CLYBL: variants seen among roughly 807,000 people sequenced by gnomAD.
CLYBL encodes the protein citramalyl-CoA lyase.
CLYBL carries 31 observed loss-of-function variants against 38.9 expected under a neutral mutation model. The observed-to-expected ratio is 0.80, with a 90% CI of 0.60 to 1.08. The LOEUF (loss-of-function observed/expected upper bound fraction) is 1.08, where lower values mean the gene tolerates loss of function less well. CLYBL is among the 50% of genes least tolerant of loss of function. CLYBL has a pLI of 0.00. For synonymous variants in CLYBL, 171 were observed against 158.6 expected (o/e 1.08, Z -0.59); for missense variants, 434 against 411.6 (o/e 1.05, Z -0.47).
intron 1 of CLYBL, among the ~76,000 whole-genome samples, chr13:99,663,638 G>A (rs756528157): frequency 1.6e-4 from 24 of 152,198 alleles, no homozygotes; most frequent in Admixed American, 1.4e-3. Flanking sequence ...TGATGAAAGT[G>A]TCCAGTATGT....
intron 1 of CLYBL, among the ~76,000 whole-genome samples, chr13:99,745,478 C>T (rs1209531016): frequency 2.6e-5 from 4 of 152,074 alleles, no homozygotes; most frequent in Non-Finnish European, 4.4e-5. Context: ...AAATATTAAG[C>T]TCCCTTAAAA....
At chr13:99,837,401 G>A (rs577442227) in intron 2 of CLYBL, among the ~76,000 whole-genome samples, 54 of 152,268 alleles carry the variant, frequency 3.5e-4, no homozygotes, top group Non-Finnish European at 6.6e-4. Flanking sequence ...AGTGAGCACC[G>A]TAATTGCATC....
chr13:99,607,122 C>T (rs10454027), intron 1 of CLYBL, among the ~76,000 whole-genome samples: 38,516 of 152,104 alleles, frequency 0.25, 6,103 homozygotes, highest in East Asian at 0.61. Context: ...CAGCGGTTCC[C>T]AAACGGTTTG....
intron 2 of CLYBL, among the ~76,000 whole-genome samples, chr13:99,784,920 T>C (rs1016322173): frequency 4.6e-5 from 7 of 152,112 alleles, no homozygotes; most frequent in African/African-American, 1.2e-4. Context: ...GACAAGAGTC[T>C]TACTCTGTCG....
chr13:99,725,790 C>T (rs1197969993), intron 1 of CLYBL, among the ~76,000 whole-genome samples: 1 of 152,114 alleles, frequency 6.6e-6, no homozygotes. Flanking sequence ...CCCGGGGAGG[C>T]ATTGTGGTGT....
intron 5 of CLYBL, among the ~76,000 whole-genome samples, 181 bp from the exon 6 acceptor site, chr13:99,866,059 T>G (rs938650550): frequency 6.6e-6 from 1 of 152,216 alleles, no homozygotes; most frequent in African/African-American, 2.4e-5. Context: ...ACAGACACAT[T>G]CGAGGTTTAA....
At chr13:99,815,725 A>C (rs892213207) in intron 2 of CLYBL, among the ~76,000 whole-genome samples, 4 of 152,078 alleles carry the variant, frequency 2.6e-5, no homozygotes, top group Non-Finnish European at 2.9e-5. Context: ...AAAAATACAA[A>C]AATTAGCCAT....
chr13:99,874,919 G>A (rs1205324534), intron 7 of CLYBL, among the ~76,000 whole-genome samples: 1 of 152,162 alleles, frequency 6.6e-6, no homozygotes, highest in Non-Finnish European at 1.5e-5. Flanking sequence ...TATATTACGT[G>A]TGTCAAAATT....
intron 1 of CLYBL, among the ~76,000 whole-genome samples, chr13:99,754,426 A>C (rs2049017432): frequency 6.7e-6 from 1 of 150,084 alleles, no homozygotes; most frequent in African/African-American, 2.4e-5. Context: ...CAAAAAAAAA[A>C]AAAAAAAAAA....
chr13:99,886,243 T>A, intron 7 of CLYBL, among the ~76,000 whole-genome samples: 1 of 152,072 alleles, frequency 6.6e-6, no homozygotes, highest in East Asian at 1.9e-4. Context: ...TTAGATCAAT[T>A]TGTGGTTTCT....
chr13:99,716,381 C>CTTTCTTTTCT (rs56025538), intron 1 of CLYBL, among the ~76,000 whole-genome samples: 1 of 138,446 alleles, frequency 7.2e-6, no homozygotes, highest in African/African-American at 2.8e-5. Context: ...CTATATTTTT[C>CTTTCTTTTCT]TTTCTTTTCT....
intron 3 of CLYBL, among the ~76,000 whole-genome samples, chr13:99,861,980 T>C (rs1227833204): frequency 6.6e-6 from 1 of 152,162 alleles, no homozygotes; most frequent in Non-Finnish European, 1.5e-5. Context: ...TGGTGACCTG[T>C]GATGATTACA....
chr13:99,612,801 C>G (rs1369388786), intron 1 of CLYBL, among the ~76,000 whole-genome samples: 1 of 151,740 alleles, frequency 6.6e-6, no homozygotes, highest in Non-Finnish European at 1.5e-5. Context: ...CACTTGTGGC[C>G]AGGAGTTCAA....
At chr13:99,618,128 C>A (rs2046741449) in intron 1 of CLYBL, among the ~76,000 whole-genome samples, 2 of 152,106 alleles carry the variant, frequency 1.3e-5, no homozygotes, top group African/African-American at 4.8e-5. Flanking sequence ...TATCCAGAAC[C>A]TAAAACAATC....
intron 6 of CLYBL, among the ~76,000 whole-genome samples, chr13:99,870,426 G>A (rs977170238): frequency 2.1e-5 from 3 of 143,242 alleles, no homozygotes; most frequent in Admixed American, 2.1e-4. Context: ...TAGTAATATA[G>A]TTGTAATGAC....
At chr13:99,703,798 C>T (rs531740886) in intron 1 of CLYBL, among the ~76,000 whole-genome samples, 1 of 152,226 alleles carries the variant, frequency 6.6e-6, no homozygotes, top group East Asian at 1.9e-4. Context: ...GGGTTTAGAG[C>T]AGAATGAAAA....
intron 2 of CLYBL, among the ~76,000 whole-genome samples, chr13:99,773,485 C>A (rs960072017): frequency 1.3e-5 from 2 of 152,134 alleles, no homozygotes; most frequent in Non-Finnish European, 2.9e-5. Context: ...AGGAGCACGA[C>A]CCTGTTGTGA....
At chr13:99,722,531 C>G (rs2048409754) in intron 1 of CLYBL, among the ~76,000 whole-genome samples, 1 of 152,046 alleles carries the variant, frequency 6.6e-6, no homozygotes, top group African/African-American at 2.4e-5. Context: ...TACTCTCCAA[C>G]CCAGAACAGT....
intron 2 of CLYBL, among the ~76,000 whole-genome samples, chr13:99,795,270 G>A (rs1036648135): frequency 3.3e-5 from 5 of 152,208 alleles, no homozygotes; most frequent in African/African-American, 1.2e-4. Context: ...AAAGTTAACA[G>A]TTGGGCCCTG....
Sources: gnomAD v4.1 joint callset for allele counts (sites outside exome capture counted in the v4.1 genomes callset) on GRCh38, gnomAD v4.1.1 for gene constraint, MANE v1.5 for transcripts, NCBI Gene and HGNC (gene_info 2026-07-23, HGNC 2026-07-21) for gene names.